Variants in ATP10B observed in about 807,000 individuals in gnomAD.
ATP10B encodes the protein phospholipid-transporting ATPase VB.
In ATP10B, 122 loss-of-function variants were observed where a neutral mutation model predicts 141.2. The observed-to-expected ratio is 0.86, with a 90% CI of 0.75 to 1.00. ATP10B has a LOEUF of 1.00. Ranked by LOEUF, ATP10B falls within the 50% of genes least tolerant of loss-of-function variation. ATP10B has a pLI of 0.00. For synonymous variants in ATP10B, 685 were observed against 692.0 expected, an observed-to-expected ratio of 0.99 and a Z score of 0.16; for missense variants, 1,876 against 1,825.3, an observed-to-expected ratio of 1.03 and a Z score of -0.51.
At chr5:160,920,000 C>T in the ATP10B span, among the ~76,000 whole-genome samples, 8 of 152,302 alleles carry the variant, frequency 5.3e-5, no homozygotes, top group Admixed American at 4.6e-4. Context: ...GGAGGTAGAA[C>T]TCGAGTTCCT....
intron 18 of ATP10B, among the ~76,000 whole-genome samples, chr5:160,608,987 T>C (rs1373408601): frequency 1.3e-5 from 2 of 152,236 alleles, no homozygotes; most frequent in African/African-American, 2.4e-5. Context: ...TTTGGTGTTT[T>C]AGTCATGAAG....
At chr5:160,673,889 T>C (rs1334506957) in intron 6 of ATP10B, among the ~76,000 whole-genome samples, 1 of 152,192 alleles carries the variant, frequency 6.6e-6, no homozygotes, top group African/African-American at 2.4e-5. Flanking sequence ...TCTCATAGAG[T>C]GAAGGAGAGA....
At chr5:160,577,551 C>A (rs1755272659) in intron 24 of ATP10B, among the ~76,000 whole-genome samples, 1 of 152,134 alleles carries the variant, frequency 6.6e-6, no homozygotes, top group South Asian at 2.1e-4. Flanking sequence ...CTGGAGAGCA[C>A]CGCGTCCTAG....
At chr5:160,767,312 C>T (rs1263291480) in intron 2 of ATP10B, among the ~76,000 whole-genome samples, 2 of 152,090 alleles carry the variant, frequency 1.3e-5, no homozygotes, top group African/African-American at 4.8e-5. Flanking sequence ...CTGAGAAAAG[C>T]AGCTGTCTTT....
In ATP10B at chr5:160,653,161, TATATATTATATATACA is replaced by T. The variant is rs1207759817; in HGVS notation, c.676-3921_676-3906del. Among the ~76,000 whole-genome samples, 70 of 130,340 alleles carry T rather than the reference TATATATTATATATACA, an allele frequency of 5.4e-4. No individual in the cohort carries two copies. The East Asian group carries it at 7.8e-3, about 15-fold the overall frequency. 85.5% of individuals were successfully genotyped at this position (130,340 alleles called of 152,430 possible). A position where few individuals can be genotyped will look rare whatever the true frequency, so the allele number is the denominator to read the frequency against. Reference sequence around the variant, plus strand: ...ATAAATATATATTATAAATACATAATATATATTATATATACAATATATTATATATACAATATATTAT... The same window carrying T: ...ATAAATATATATTATAAATACATAATATATATTATATATACAATATATTAT... On this transcript the variant is annotated intron_variant, in intron 7 of 25. Coordinates refer to ENST00000327245, the MANE Select transcript of ATP10B (RefSeq NM_025153.3).
intron 24 of ATP10B, among the ~76,000 whole-genome samples, chr5:160,582,098 T>C (rs1755590659): frequency 6.6e-6 from 1 of 152,212 alleles, no homozygotes; most frequent in Non-Finnish European, 1.5e-5. Flanking sequence ...CTTGACTCTT[T>C]ATCCAATTTG....
intron 2 of ATP10B, among the ~76,000 whole-genome samples, chr5:160,773,024 C>T (rs554265668): frequency 1.2e-4 from 18 of 152,062 alleles, no homozygotes; most frequent in African/African-American, 7.2e-5. Flanking sequence ...CTCAGCAAGG[C>T]GGCTATTTGA....
intron 1 of ATP10B, among the ~76,000 whole-genome samples, chr5:160,845,385 G>A (rs1485968601): frequency 6.6e-6 from 1 of 152,054 alleles, no homozygotes; most frequent in African/African-American, 2.4e-5. Flanking sequence ...TCTTGGTGTT[G>A]GAAATTAGGA....
intron 7 of ATP10B, among the ~76,000 whole-genome samples, chr5:160,659,163 C>T (rs1426354618): frequency 6.6e-6 from 1 of 152,106 alleles, no homozygotes; most frequent in Admixed American, 6.6e-5. Context: ...AAGATATTAT[C>T]CATTAATATT....
chr5:160,892,361 C>T, the ATP10B span, among the ~76,000 whole-genome samples: 2 of 152,198 alleles, frequency 1.3e-5, no homozygotes, highest in South Asian at 2.1e-4. Context: ...AGCTGATGAA[C>T]GGCCTTGAAC....
intron 3 of ATP10B, among the ~76,000 whole-genome samples, chr5:160,704,570 G>A (rs1199990879): frequency 1.3e-5 from 2 of 152,142 alleles, no homozygotes; most frequent in African/African-American, 2.4e-5. Context: ...TTGGCTTCAA[G>A]TTAGAGTCAC....
Position 160,688,898 on chromosome 5 carries a change from G to T in ATP10B, c.-159C>A. 1.0e-6 allele frequency: 1 copy of T among 985,386 alleles called. No homozygotes were observed. The highest frequency in any genetic ancestry group is 1.2e-6 in the Non-Finnish European group (1 of 829,932). 61.0% of individuals were successfully genotyped at this position (985,386 alleles called of 1,614,324 possible). A position where few individuals can be genotyped will look rare whatever the true frequency, so the allele number is the denominator to read the frequency against. ...TTCTTAATCTAGATGGCTGGAGTTG[G>T]GGATAGGGGATCCCTTTTCTTTTTC... On this transcript the variant is annotated 5_prime_UTR_variant, in exon 4 of 26. Transcript: ENST00000327245.
At chr5:160,730,653 C>A in intron 2 of ATP10B, among the ~76,000 whole-genome samples, 1 of 152,128 alleles carries the variant, frequency 6.6e-6, no homozygotes, top group East Asian at 1.9e-4. Context: ...TTGAAGTTGT[C>A]CTGCTGCTCT....
the ATP10B span, among the ~76,000 whole-genome samples, chr5:160,866,616 G>A: frequency 2.0e-5 from 3 of 152,266 alleles, no homozygotes; most frequent in Admixed American, 6.5e-5. Flanking sequence ...AGAGGTTGCA[G>A]TAAGCTGAGA....
intron 12 of ATP10B, 27 bp downstream of exon 12, chr5:160,634,327 G>A (rs368994234): frequency 1.2e-6 from 2 of 1,613,926 alleles, no homozygotes; most frequent in Non-Finnish European, 1.7e-6. Context: ...TTAGAAAGAG[G>A]GATGGAGCCC....
chr5:160,773,337 G>A (rs72820505), intron 2 of ATP10B, among the ~76,000 whole-genome samples: 4 of 152,300 alleles, frequency 2.6e-5, no homozygotes, highest in Non-Finnish European at 4.4e-5. Flanking sequence ...ACATGATGCC[G>A]AGAGCCTGAA....
chr5:160,686,248 G>C lies in ATP10B; in HGVS notation c.301C>G (p.Leu101Val), dbSNP rs770036702. 6.2e-7 allele frequency: 1 copy of C among 1,603,510 alleles called. No individual in the cohort carries two copies. Among genetic ancestry groups the C allele is most frequent in the South Asian group, 1.1e-5 (1 of 89,830 alleles). Residue 101 changes from leucine to valine, a missense_variant, in exon 6 of 26, where the codon CTG becomes GTG. Leu to Val is a conservative substitution (Grantham distance 32). Coordinates refer to ENST00000327245, the MANE Select transcript of ATP10B (RefSeq NM_025153.3). The stretch of plus-strand genomic sequence containing the variant: ...GAGGGCATCCAGTTCAAAATCACCA[G>C]GAACAGGAAATAGAGGTTAGCCCAT... ...HRWANLYFLFLVILNWMPSME... is the reference protein window; with the variant it reads ...HRWANLYFLFVVILNWMPSME...
At chr5:160,672,466 G>A (rs1241624230) in intron 6 of ATP10B, among the ~76,000 whole-genome samples, 2 of 152,170 alleles carry the variant, frequency 1.3e-5, no homozygotes, top group African/African-American at 4.8e-5. Context: ...CTTTCCAGGT[G>A]CCCTCAATTA....
chr5:160,829,741 C>A (rs73305831), intron 1 of ATP10B, among the ~76,000 whole-genome samples: 1 of 151,930 alleles, frequency 6.6e-6, no homozygotes, highest in Non-Finnish European at 1.5e-5. Context: ...TCATATTCTT[C>A]GACTCTTAGC....
Sources: allele counts gnomAD v4.1 joint callset (sites outside exome capture counted in the v4.1 genomes callset), GRCh38; gene constraint gnomAD v4.1.1; transcripts MANE v1.5; gene names NCBI Gene and HGNC (gene_info 2026-07-23, HGNC 2026-07-21).